RGS6: variants seen among roughly 807,000 people sequenced by gnomAD.
The protein encoded by RGS6 is regulator of G protein signaling 6.
Under a neutral mutation model 78.5 loss-of-function variants are expected in RGS6, and 30 were observed. That is an observed-to-expected ratio of 0.38 (90% CI 0.29 to 0.52). RGS6 has a LOEUF of 0.52. RGS6 is among the 20% of genes least tolerant of loss of function. The pLI is 0.85. For synonymous variants in RGS6, 206 were observed against 206.0 expected (o/e 1.00, Z 0.00); for missense variants, 495 against 609.7 (o/e 0.81, Z 1.98).
At chr14:72,014,194 G>A (rs2086468196) in intron 2 of RGS6, among the ~76,000 whole-genome samples, 1 of 152,214 alleles carries the variant, frequency 6.6e-6, no homozygotes, top group South Asian at 2.1e-4. Context: ...TCTCAGTGCA[G>A]TGCCTTGACT....
intron 2 of RGS6, among the ~76,000 whole-genome samples, chr14:72,035,903 G>A (rs2091627369): frequency 6.6e-6 from 1 of 151,992 alleles, no homozygotes; most frequent in Admixed American, 6.6e-5. Context: ...TTGTATGTGA[G>A]TACAGTTCTA....
At chr14:72,370,542 AG>A (rs2083293029) in intron 3 of RGS6, among the ~76,000 whole-genome samples, 1 of 152,202 alleles carries the variant, frequency 6.6e-6, no homozygotes. Context: ...CGTTTTAACA[AG>A]GCCAAAGGTG....
chr14:71,907,742 G>A, the RGS6 span, among the ~76,000 whole-genome samples: 1 of 152,134 alleles, frequency 6.6e-6, no homozygotes, highest in Non-Finnish European at 1.5e-5. Context: ...GCCCATGCAA[G>A]AAATGATGGC....
At chr14:72,260,600 T>C (rs2057983290) in intron 2 of RGS6, among the ~76,000 whole-genome samples, 1 of 152,064 alleles carries the variant, frequency 6.6e-6, no homozygotes, top group African/African-American at 2.4e-5. Context: ...AGAGAAGAGA[T>C]GAGTGCTCTT....
intron 2 of RGS6, among the ~76,000 whole-genome samples, chr14:72,330,059 A>G (rs1483200527): frequency 1.1e-4 from 16 of 152,236 alleles, no homozygotes; most frequent in Non-Finnish European, 1.6e-4. Context: ...GCAGGTTCAC[A>G]GTCAACGTTA....
chr14:72,414,563 G>A (rs565714145), intron 3 of RGS6, among the ~76,000 whole-genome samples: 55 of 152,108 alleles, frequency 3.6e-4, no homozygotes, highest in Admixed American at 6.5e-4. Context: ...CTCTCAACTC[G>A]TCAAAGTCAT....
In RGS6 at chr14:72,200,409, A is replaced by T. The variant is rs113063420; in HGVS notation, c.85-151686A>T. Among the ~76,000 whole-genome samples the T allele has an allele frequency of 8.3e-3, 1,262 of 152,274 alleles. 14 individuals carry two copies. The highest frequency in any genetic ancestry group is 0.029 in the African/African-American group (1,190 of 41,558). On this transcript the variant is annotated intron_variant, in intron 2 of 17. Transcript: ENST00000553525. ...CTCAGTAACATCAGTGAAGGCTCTG[A>T]TATCTCACTTTTACCACCATTTAAG...
chr14:72,002,142 G>A (rs916960799), intron 2 of RGS6, among the ~76,000 whole-genome samples: 1 of 151,810 alleles, frequency 6.6e-6, no homozygotes, highest in Non-Finnish European at 1.5e-5. Flanking sequence ...ACCCACCCTT[G>A]CCTCCAAAAG....
chr14:72,240,418 G>A (rs1382027465), intron 2 of RGS6, among the ~76,000 whole-genome samples: 1 of 152,118 alleles, frequency 6.6e-6, no homozygotes, highest in Non-Finnish European at 1.5e-5. Context: ...TGGATGGAGA[G>A]CCATTTTACT....
At chr14:72,540,657 C>T (rs2097313039) in intron 17 of RGS6, 3 of 1,400,910 alleles carry the variant, frequency 2.1e-6, no homozygotes, top group African/African-American at 1.4e-5. Flanking sequence ...TTAGTCGCCT[C>T]TGCATGAGTC....
chr14:72,082,230 C>G (rs1047029390), intron 2 of RGS6, among the ~76,000 whole-genome samples: 4 of 151,988 alleles, frequency 2.6e-5, no homozygotes, highest in African/African-American at 9.7e-5. Flanking sequence ...ATCTTTAGAT[C>G]CCTTTGGGTA....
downstream of RGS6, among the ~76,000 whole-genome samples, chr14:72,567,912 C>G (rs528596298): frequency 6.6e-6 from 1 of 152,350 alleles, no homozygotes; most frequent in Non-Finnish European, 1.5e-5. Context: ...CTGTACACAG[C>G]CCTTCAGCGC....
chr14:72,051,057 A>G (rs2153410831), intron 2 of RGS6, among the ~76,000 whole-genome samples: 1 of 152,282 alleles, frequency 6.6e-6, no homozygotes, highest in East Asian at 1.9e-4. Context: ...AACTGAAAAA[A>G]TGGTGATCAG....
the RGS6 span, among the ~76,000 whole-genome samples, chr14:71,910,063 G>T: frequency 5.3e-3 from 805 of 152,176 alleles, 1 homozygote; most frequent in Middle Eastern, 0.01. Flanking sequence ...GGTGGCACGC[G>T]CCTGGAATCC....
intron 13 of RGS6, among the ~76,000 whole-genome samples, chr14:72,501,545 A>G (rs970921685): frequency 1.3e-5 from 2 of 152,240 alleles, no homozygotes; most frequent in African/African-American, 2.4e-5. Flanking sequence ...AGTAAAGTTT[A>G]ATTAAAGAAA....
intron 2 of RGS6, among the ~76,000 whole-genome samples, chr14:72,171,738 G>T (rs1246846151): frequency 6.6e-6 from 1 of 152,188 alleles, no homozygotes; most frequent in African/African-American, 2.4e-5. Flanking sequence ...ACAGTAATCT[G>T]CAAAGTGTGA....
chr14:72,329,882 C>T (rs946783448), intron 2 of RGS6, among the ~76,000 whole-genome samples: 1 of 152,100 alleles, frequency 6.6e-6, no homozygotes, highest in Non-Finnish European at 1.5e-5. Context: ...CAGGGCAGCC[C>T]CTCTCCCCAC....
chr14:72,519,001 A>G (rs2096992248), intron 15 of RGS6, among the ~76,000 whole-genome samples: 1 of 152,226 alleles, frequency 6.6e-6, no homozygotes, highest in African/African-American at 2.4e-5. Context: ...GCACATCTAT[A>G]TTCCAGGCTC....
chr14:72,447,006 T>C (rs1289825944), intron 3 of RGS6, among the ~76,000 whole-genome samples: 1 of 151,952 alleles, frequency 6.6e-6, no homozygotes, highest in Non-Finnish European at 1.5e-5. Context: ...GACCATTACC[T>C]GTTGGGAGGC....
Sources: gnomAD v4.1 joint callset for allele counts (sites outside exome capture counted in the v4.1 genomes callset) on GRCh38, gnomAD v4.1.1 for gene constraint, MANE v1.5 for transcripts, NCBI Gene and HGNC (gene_info 2026-07-23, HGNC 2026-07-21) for gene names.